The following FBXL20 variants were observed in gnomAD, a reference collection of about 807,000 sequenced individuals.
The protein encoded by FBXL20 is F-box/LRR-repeat protein 20.
Under a neutral mutation model 64.0 loss-of-function variants are expected in FBXL20, and 11 were observed. The ratio of observed to expected loss-of-function variants is 0.17; its 90% CI spans 0.11 to 0.28. The LOEUF (loss-of-function observed/expected upper bound fraction) is 0.28. Ranked by LOEUF, FBXL20 falls within the 10% of genes least tolerant of loss-of-function variation. The pLI is 1.00. For missense variants in FBXL20, 303 were observed against 526.2 expected, an observed-to-expected ratio of 0.58 and a Z score of 4.15; for synonymous variants, 184 against 189.0, an observed-to-expected ratio of 0.97 and a Z score of 0.22.
At chr17:39,296,559 CAAAAAAAA>C (rs60002793) in intron 6 of FBXL20, among the ~76,000 whole-genome samples, 1 of 62,162 alleles carries the variant, frequency 1.6e-5, no homozygotes, top group African/African-American at 5.2e-5. Context: ...GACTCTGTCT[CAAAAAAAA>C]AAAAAAAAAA....
chr17:39,329,288 A>C (rs769618444), intron 2 of FBXL20, among the ~76,000 whole-genome samples: 74 of 152,192 alleles, frequency 4.9e-4, no homozygotes, highest in Non-Finnish European at 9.1e-4. Flanking sequence ...AAATTTAATA[A>C]TGAAGGACAT....
intron 2 of FBXL20, among the ~76,000 whole-genome samples, chr17:39,322,163 CAAAAAA>C (rs761771926): frequency 4.9e-4 from 26 of 52,550 alleles, no homozygotes; most frequent in African/African-American, 1.0e-3. Context: ...CTATCTCTAC[CAAAAAA>C]AAAAAAAAAA....
intron 2 of FBXL20, among the ~76,000 whole-genome samples, chr17:39,327,649 C>T (rs981841607): frequency 6.6e-6 from 1 of 152,126 alleles, no homozygotes; most frequent in Non-Finnish European, 1.5e-5. Context: ...AGTACATCCA[C>T]AAGGAGACTT....
In FBXL20 at chr17:39,260,897, G is replaced by A. The variant is rs1430521770; in HGVS notation, c.*563C>T. The A allele has an allele frequency of 6.4e-6, 1 of 155,682 alleles. No homozygotes were observed. Among genetic ancestry groups the A allele is most frequent in the Non-Finnish European group, 1.4e-5 (1 of 69,834 alleles). 9.6% of individuals were successfully genotyped at this position (155,682 alleles called of 1,614,324 possible). A position where few individuals can be genotyped will look rare whatever the true frequency, so the allele number is the denominator to read the frequency against. ...TGGGCCAAATACTAAAACACAGGAG[G>A]AATGGACGAGCCTTCTTTGTGAGCA... On this transcript the variant is annotated 3_prime_UTR_variant, in exon 15 of 15. Coordinates refer to ENST00000264658, the MANE Select transcript of FBXL20 (RefSeq NM_032875.3).
intron 1 of FBXL20, among the ~76,000 whole-genome samples, chr17:39,382,182 G>A (rs1443050677): frequency 3.3e-5 from 5 of 151,486 alleles, no homozygotes; most frequent in East Asian, 3.9e-4. Context: ...GGTGGCTCAC[G>A]CCTGTAATCC....
chr17:39,343,119 T>C, intron 2 of FBXL20, 61 bp downstream of exon 2: 1 of 1,304,972 alleles, frequency 7.7e-7, no homozygotes, highest in South Asian at 1.5e-5. Flanking sequence ...GTTAAAAAAT[T>C]TTAAACAGGC....
In FBXL20 at chr17:39,256,979, T is replaced by TTGTC. The variant is rs2046701590; in HGVS notation, c.*4480_*4481insGACA. 1.3e-5 allele frequency: 2 copies of TTGTC among 151,716 alleles called. No individual in the cohort carries two copies. Among genetic ancestry groups the TTGTC allele is most frequent in the African/African-American group, 4.8e-5 (2 of 41,344 alleles). The allele number at this position is 151,716 out of a possible 1,614,324, so 9.4% of individuals were successfully genotyped here. A position where few individuals can be genotyped will look rare whatever the true frequency, so the allele number is the denominator to read the frequency against. Reference sequence around the variant, plus strand: ...CTATCAAACTAGTAACGATGCATTTTTTTCTTTCTTTCTTTCTTTTTTTTT... The same window carrying TTGTC: ...CTATCAAACTAGTAACGATGCATTTTTGTCTTTCTTTCTTTCTTTCTTTTTTTTT... On this transcript the variant is annotated 3_prime_UTR_variant, in exon 15 of 15. Transcript: ENST00000264658.
In FBXL20 at chr17:39,303,612, G is replaced by A; in HGVS notation, c.132C>T (p.Thr44=). 5 of 1,610,282 alleles carry A rather than the reference G, an allele frequency of 3.1e-6. No individual in the cohort carries two copies. Among genetic ancestry groups the A allele is most frequent in the Non-Finnish European group, 3.4e-6 (4 of 1,178,122 alleles). The change falls in exon 3 of 15, where the codon ACC becomes ACT. Residue 44 remains threonine, a synonymous_variant. Coordinates refer to ENST00000264658, the MANE Select transcript of FBXL20 (RefSeq NM_032875.3). ...TGGAGACCTGAGCACAGCGGCACAG[G>A]GTAACAACATCTAGAAAAGAAAATA... ...LRIFSFLDVV[T]LCRCAQVSRA...
At chr17:39,330,915 T>C (rs7220650) in intron 2 of FBXL20, among the ~76,000 whole-genome samples, 56,651 of 152,062 alleles carry the variant, frequency 0.37, 13,287 homozygotes, top group African/African-American at 0.66. Context: ...TAAATGATGG[T>C]TAATTTGCCA....
chr17:39,337,990 G>C (rs1001424250), intron 2 of FBXL20, among the ~76,000 whole-genome samples: 17 of 149,222 alleles, frequency 1.1e-4, no homozygotes, highest in African/African-American at 3.9e-4. Context: ...GCCCCTACTG[G>C]GAAGTGAGGA....
At chr17:39,300,625 AT>A (rs1227651997) in intron 4 of FBXL20, among the ~76,000 whole-genome samples, 1 of 152,218 alleles carries the variant, frequency 6.6e-6, no homozygotes, top group Non-Finnish European at 1.5e-5. Flanking sequence ...TCTCAAAAAA[AT>A]ATATACGAAC....
chr17:39,294,135 T>G (rs960817543), intron 6 of FBXL20, among the ~76,000 whole-genome samples: 5 of 151,768 alleles, frequency 3.3e-5, no homozygotes, highest in Non-Finnish European at 5.9e-5. Context: ...GAAGGAGAAG[T>G]CTACTTGGAT....
At chr17:39,345,397 T>A (rs922046272) in intron 1 of FBXL20, among the ~76,000 whole-genome samples, 1 of 152,056 alleles carries the variant, frequency 6.6e-6, no homozygotes, top group Non-Finnish European at 1.5e-5. Flanking sequence ...GAAAAAAAGA[T>A]AACAATATGT....
At chr17:39,262,287 T>G (rs976257026) in intron 14 of FBXL20, among the ~76,000 whole-genome samples, 10 of 152,066 alleles carry the variant, frequency 6.6e-5, no homozygotes, top group African/African-American at 2.4e-4. Flanking sequence ...TTTTAGAGGT[T>G]GGTATTTTTT....
chr17:39,337,332 G>A (rs1249258665), intron 2 of FBXL20, among the ~76,000 whole-genome samples: 1 of 152,076 alleles, frequency 6.6e-6, no homozygotes, highest in Non-Finnish European at 1.5e-5. Flanking sequence ...ATCTCGGCTC[G>A]CTACAACCTC....
At chr17:39,281,515 G>T in intron 8 of FBXL20, 52 bp from the exon 9 acceptor site, 1 of 1,483,078 alleles carries the variant, frequency 6.7e-7, no homozygotes. Context: ...TGTCTCAAAG[G>T]AAAGAGATTT....
At chr17:39,401,768 AC>A, upstream of FBXL20, 1 of 1,018,180 alleles carries the variant, frequency 9.8e-7, no homozygotes, top group Non-Finnish European at 1.2e-6. Context: ...GCGGCGCGAG[AC>A]CACCCCTCCC....
At chr17:39,401,648 A>C, upstream of FBXL20, 3 of 1,327,358 alleles carry the variant, frequency 2.3e-6, no homozygotes, top group Non-Finnish European at 9.6e-7. Flanking sequence ...TTCAACCCAA[A>C]ACAAAAACAC....
intron 6 of FBXL20, among the ~76,000 whole-genome samples, chr17:39,289,664 AAAAAACCC>A (rs2047019676): frequency 6.6e-6 from 1 of 151,764 alleles, no homozygotes; most frequent in Admixed American, 6.6e-5. Flanking sequence ...ACAAACAAAA[AAAAAACCC>A]AAACTATAAC....
Sources: allele counts gnomAD v4.1 joint callset (sites outside exome capture counted in the v4.1 genomes callset), GRCh38; gene constraint gnomAD v4.1.1; transcripts MANE v1.5; gene names NCBI Gene and HGNC (gene_info 2026-07-23, HGNC 2026-07-21).